Variants in CECR2 observed in about 807,000 individuals in gnomAD.
CECR2 encodes the protein chromatin remodeling regulator CECR2.
Under a neutral mutation model 154.5 loss-of-function variants are expected in CECR2, and 30 were observed. That is an observed-to-expected ratio of 0.19 (90% CI 0.15 to 0.26). The LOEUF is 0.26. Among genes scored for constraint, CECR2 ranks in the 10% least tolerant of loss-of-function variants. CECR2 has a pLI of 1.00. For synonymous variants in CECR2, 725 were observed against 683.7 expected (o/e 1.06, Z -0.94); for missense variants, 1,743 against 1,829.3 (o/e 0.95, Z 0.86).
chr22:17,532,700 C>CTTTTTTT lies in CECR2; in HGVS notation c.1109-4374_1109-4368dup, dbSNP rs695634. 7.0e-3 allele frequency among the ~76,000 whole-genome samples: 252 copies of CTTTTTTT among 35,816 alleles called. 47 individuals carry two copies. Among genetic ancestry groups the CTTTTTTT allele is most frequent in the South Asian group, 0.01 (6 of 590 alleles). The allele number at this position is 35,816 out of a possible 152,430, so 23.5% of individuals were successfully genotyped here. On this transcript the variant is annotated intron_variant, in intron 9 of 18. Coordinates refer to ENST00000262608, the MANE Select transcript of CECR2 (RefSeq NM_001290047.2). ...CCAAGTAGGTATATTCATTATTATT[C>CTTTTTTT]TTTTTTTTTTTTTTTTTTTTTTTTT...
chr22:17,452,764 A>T lies in CECR2; in HGVS notation c.127-24824A>T, dbSNP rs796396545. 1.6e-4 allele frequency among the ~76,000 whole-genome samples: 24 copies of T among 152,334 alleles called. 1 individual carries two copies. Among genetic ancestry groups the T allele is most frequent in the African/African-American group, 5.1e-4 (21 of 41,574 alleles). On this transcript the variant is annotated intron_variant, in intron 1 of 18. Transcript: ENST00000262608. ...GTATATACAGTCTAGAGTTCTAAGC[A>T]GGGAAGGTAATTTTTGGAGCCTTCA...
chr22:17,509,914 A>G (rs2055911950), intron 7 of CECR2, among the ~76,000 whole-genome samples: 1 of 152,236 alleles, frequency 6.6e-6, no homozygotes, highest in African/African-American at 2.4e-5. Flanking sequence ...ATCGTCCTCT[A>G]AACTTTGAAA....
chr22:17,512,723 AAGAAAG>A (rs1287169867), intron 8 of CECR2, among the ~76,000 whole-genome samples: 4 of 126,676 alleles, frequency 3.2e-5, no homozygotes, highest in African/African-American at 1.4e-4. Flanking sequence ...AAAAAAAAAA[AAGAAAG>A]AAAGAAAAGA....
rs556571085 is a variant in CECR2, at chr22:17,475,093, C to T, written c.127-2495C>T. On this transcript the variant is annotated intron_variant, in intron 1 of 18. Transcript: ENST00000262608. The stretch of plus-strand genomic sequence containing the variant: ...GTGTAGAAACCTGGGGATGCATGGA[C>T]GCCACAGTGACAGTGAGCACTGGTG... 3.3e-5 allele frequency among the ~76,000 whole-genome samples: 5 copies of T among 152,220 alleles called. No homozygotes were observed. In the East Asian group the frequency reaches 5.8e-4, roughly 18 times the overall value.
At chr22:17,402,387 C>A (rs907004598) in intron 1 of CECR2, among the ~76,000 whole-genome samples, 15 of 152,216 alleles carry the variant, frequency 9.9e-5, no homozygotes, top group African/African-American at 3.4e-4. Flanking sequence ...TATATCAGGG[C>A]TCAGCAAACT....
At chr22:17,447,861 C>T (rs975203421) in intron 1 of CECR2, among the ~76,000 whole-genome samples, 7 of 144,020 alleles carry the variant, frequency 4.9e-5, no homozygotes, top group Non-Finnish European at 1.0e-4. Context: ...GCCATGGTAG[C>T]CACATTTCAA....
In CECR2 at chr22:17,439,640, T is replaced by C. The variant is rs117289920; in HGVS notation, c.127-37948T>C. Among the ~76,000 whole-genome samples the C allele has an allele frequency of 8.3e-3, 1,267 of 152,286 alleles. 68 individuals are homozygous for C. In the East Asian group the frequency reaches 0.15, roughly 18 times the overall value. ...ACTCATACTTTACTAACAAAAAAAT[T>C]AGACTGATCAGCCTTTTTGAAAAAC... is the stretch of plus-strand genomic sequence containing the variant. On this transcript the variant is annotated intron_variant, in intron 1 of 18. Coordinates refer to ENST00000262608, the MANE Select transcript of CECR2 (RefSeq NM_001290047.2).
At chr22:17,396,676 G>A (rs2053817123) in intron 1 of CECR2, among the ~76,000 whole-genome samples, 1 of 152,224 alleles carries the variant, frequency 6.6e-6, no homozygotes, top group South Asian at 2.1e-4. Context: ...TTTAAGCAGG[G>A]CTGAGTGATG....
chr22:17,539,087 G>A lies in CECR2; in HGVS notation c.1463G>A (p.Arg488Lys). 6.2e-7 allele frequency: 1 copy of A among 1,613,800 alleles called. No homozygotes were observed. Among genetic ancestry groups the A allele is most frequent in the Non-Finnish European group, 8.5e-7 (1 of 1,179,860 alleles). The change falls in exon 13 of 19, where the codon AGG (arginine) becomes AAG (lysine). Residue 488 changes from arginine to lysine, a missense_variant. Transcript: ENST00000262608. ...EFVNDMKTMF[R>K]NCRKYNGESS... ...GTAAATGACATGAAGACCATGTTCA[G>A]GAATTGTCGAAAGTATAATGGGGAA...
chr22:17,482,618 C>G (rs2055346051), intron 2 of CECR2, among the ~76,000 whole-genome samples: 1 of 151,984 alleles, frequency 6.6e-6, no homozygotes, highest in Non-Finnish European at 1.5e-5. Flanking sequence ...CCTGCAATCT[C>G]CACCTCCTGG....
At chr22:17,389,879 C>G (rs181838648) in intron 1 of CECR2, among the ~76,000 whole-genome samples, 1 of 152,094 alleles carries the variant, frequency 6.6e-6, no homozygotes, top group Non-Finnish European at 1.5e-5. Flanking sequence ...CCGCCCACCT[C>G]GGCGTCCCAA....
chr22:17,402,084 A>G (rs1472723546), intron 1 of CECR2, among the ~76,000 whole-genome samples: 2 of 152,100 alleles, frequency 1.3e-5, no homozygotes, highest in Non-Finnish European at 2.9e-5. Context: ...CCCAGATTCA[A>G]GTGATTCTCT....
Position 17,548,433 on chromosome 22 carries a change from G to C in CECR2, c.3146G>C (p.Arg1049Thr). 6.2e-7 allele frequency: 1 copy of C among 1,613,996 alleles called. No individual in the cohort carries two copies. Among genetic ancestry groups the C allele is most frequent in the Middle Eastern group, 1.6e-4 (1 of 6,062 alleles). ...AGAGACCTCTCCACGGTGGCAGACA[G>C]GGGCGCTCTATCCGAGAACGGAGTC... ...CVRDLSTVAD[R>T]GALSENGVIG... Residue 1049 changes from arginine (R) to threonine (T), a missense_variant, in exon 17 of 19, where the codon AGG becomes ACG. Physicochemically the swap from Arg to Thr is moderately conservative, Grantham distance 71 (BLOSUM62 -1). Transcript: ENST00000262608.
rs567136950 is a variant in CECR2 at position 17,541,691 on chromosome 22, C to T, written c.1885-148C>T. On this transcript the variant is annotated intron_variant, in intron 14 of 18. Coordinates refer to ENST00000262608, the MANE Select transcript of CECR2 (RefSeq NM_001290047.2). Reference sequence around the variant, plus strand: ...AGGCAAGCCCTGATGCGGGTGAGCACGTGTGTTCACAGTCTCCCTGTCTCC... The same window carrying T: ...AGGCAAGCCCTGATGCGGGTGAGCATGTGTGTTCACAGTCTCCCTGTCTCC... The T allele has an allele frequency of 1.5e-5, 13 of 866,000 alleles. 1 individual carries two copies. Among genetic ancestry groups the T allele is most frequent in the South Asian group, 8.1e-5 (4 of 49,096 alleles). The allele number at this position is 866,000 out of a possible 1,614,324, so 53.6% of individuals were successfully genotyped here. A position where few individuals can be genotyped will look rare whatever the true frequency, so the allele number is the denominator to read the frequency against.
chr22:17,528,633 T>G (rs1274364949), intron 9 of CECR2, among the ~76,000 whole-genome samples: 1 of 152,118 alleles, frequency 6.6e-6, no homozygotes, highest in East Asian at 1.9e-4. Flanking sequence ...CTTCTCAGGT[T>G]CAAGTGATTA....
intron 1 of CECR2, among the ~76,000 whole-genome samples, chr22:17,450,257 A>G (rs2054746974): frequency 6.6e-6 from 1 of 152,146 alleles, no homozygotes; most frequent in Non-Finnish European, 1.5e-5. Context: ...TTTTAATGGG[A>G]AAAAGTAATA....
At chr22:17,383,657 CTT>C (rs57665657) in intron 1 of CECR2, among the ~76,000 whole-genome samples, 18 of 104,302 alleles carry the variant, frequency 1.7e-4, no homozygotes, top group South Asian at 3.2e-4. Context: ...TTCAGGTCCA[CTT>C]TTTTTTTTTT....
At chr22:17,464,902 A>G (rs1022478852) in intron 1 of CECR2, among the ~76,000 whole-genome samples, 1 of 151,804 alleles carries the variant, frequency 6.6e-6, no homozygotes, top group African/African-American at 2.4e-5. Flanking sequence ...TTTTCTGAAA[A>G]TTTTTCTAAG....
At chr22:17,410,661 T>A (rs963835309) in intron 1 of CECR2, among the ~76,000 whole-genome samples, 2 of 152,094 alleles carry the variant, frequency 1.3e-5, no homozygotes, top group African/African-American at 2.4e-5. Flanking sequence ...TTGGCCAGGC[T>A]GGTCTCGAAC....
Sources: allele counts gnomAD v4.1 joint callset (sites outside exome capture counted in the v4.1 genomes callset), GRCh38; gene constraint gnomAD v4.1.1; transcripts MANE v1.5; gene names NCBI Gene and HGNC (gene_info 2026-07-23, HGNC 2026-07-21).